The following MEI4 variants were observed in gnomAD, a reference collection of about 807,000 sequenced individuals.
MEI4 encodes the protein meiotic double-stranded break formation protein 4.
A neutral mutation model predicts 31.4 loss-of-function variants in MEI4; 27 were observed. That is an observed-to-expected ratio of 0.86 (90% confidence interval 0.63 to 1.19). The LOEUF is 1.19. Ranked by LOEUF, MEI4 falls within the 50% of genes most tolerant of loss-of-function variation. The pLI, the probability that MEI4 is intolerant of heterozygous loss-of-function variation, is 0.00. For synonymous variants in MEI4, 122 were observed against 145.4 expected, an observed-to-expected ratio of 0.84 and a Z score of 1.16; for missense variants, 329 against 398.9, an observed-to-expected ratio of 0.82 and a Z score of 1.49.
intron 1 of MEI4, among the ~76,000 whole-genome samples, chr6:77,656,458 T>C (rs544397505): frequency 1.3e-5 from 2 of 152,272 alleles, no homozygotes; most frequent in African/African-American, 4.8e-5. Flanking sequence ...CTTTCTTTCT[T>C]GTCTGAACTG....
At chr6:77,665,626 TAATCAGGTGTCCC>T (rs1365924663) in intron 1 of MEI4, among the ~76,000 whole-genome samples, 2 of 152,260 alleles carry the variant, frequency 1.3e-5, no homozygotes, top group East Asian at 3.9e-4. Context: ...CGTGGGTGAA[TAATCAGGTGTCCC>T]TGCAATGATT....
Position 77,923,058 on chromosome 6 carries a change from T to G in MEI4, c.901-31T>G, listed in dbSNP as rs186416242. 318 of 1,223,406 alleles carry G rather than the reference T, an allele frequency of 2.6e-4. 1 individual carries two copies. The highest frequency in any genetic ancestry group is 2.2e-3 in the Middle Eastern group (7 of 3,174). The allele number at this position is 1,223,406 out of a possible 1,614,324, so 75.8% of individuals were successfully genotyped here. On this transcript the variant is annotated intron_variant, in intron 4 of 4. Transcript: ENST00000684080. ...TTTTTCTTAGGTAATTTATACCCAA[T>G]TTTTTAAAGGAGTTTGTTGTTTATT...
At chr6:77,770,582 C>T (rs1051400455) in intron 3 of MEI4, among the ~76,000 whole-genome samples, 12 of 151,836 alleles carry the variant, frequency 7.9e-5, no homozygotes, top group African/African-American at 2.2e-4. Context: ...CTGGAGGCAT[C>T]ACGTTACCTG....
intron 3 of MEI4, among the ~76,000 whole-genome samples, chr6:77,773,039 G>T (rs117828829): frequency 2.0e-5 from 3 of 152,038 alleles, no homozygotes; most frequent in Non-Finnish European, 4.4e-5. Flanking sequence ...AGAAATAGGA[G>T]AGGAAACACA....
chr6:77,834,239 T>A (rs1290930623), intron 4 of MEI4, among the ~76,000 whole-genome samples: 2 of 151,984 alleles, frequency 1.3e-5, no homozygotes, highest in East Asian at 1.9e-4. Flanking sequence ...AAAGAAAATG[T>A]TTTTATGAAG....
intron 3 of MEI4, among the ~76,000 whole-genome samples, chr6:77,784,344 T>C (rs1768675328): frequency 6.6e-6 from 1 of 152,150 alleles, no homozygotes; most frequent in African/African-American, 2.4e-5. Context: ...TGCTATGTAT[T>C]TTCTAATTTA....
chr6:77,708,715 G>T (rs1200780090), intron 2 of MEI4, among the ~76,000 whole-genome samples: 1 of 152,070 alleles, frequency 6.6e-6, no homozygotes, highest in Non-Finnish European at 1.5e-5. Context: ...AGAATGAGTG[G>T]TTGCTCTGAG....
At chr6:77,761,869 T>C (rs1363431841) in intron 3 of MEI4, among the ~76,000 whole-genome samples, 1 of 152,210 alleles carries the variant, frequency 6.6e-6, no homozygotes, top group Non-Finnish European at 1.5e-5. Flanking sequence ...TCTGCATAGA[T>C]GCCTTTGCTT....
At chr6:77,867,820 A>G (rs1484208003) in intron 4 of MEI4, among the ~76,000 whole-genome samples, 1 of 152,218 alleles carries the variant, frequency 6.6e-6, no homozygotes, top group South Asian at 2.1e-4. Context: ...ACCAACCCAA[A>G]TGTACAACAA....
chr6:77,824,305 T>C lies in MEI4; in HGVS notation c.769-4626T>C, dbSNP rs192536241. 2.6e-5 allele frequency among the ~76,000 whole-genome samples: 4 copies of C among 152,294 alleles called. No individual in the cohort carries two copies. The East Asian group carries it at 7.7e-4, about 29-fold the overall frequency. On this transcript the variant is annotated intron_variant, in intron 3 of 4. Transcript: ENST00000684080. ...TATTTTGTGTTTTAGTTCAACATGT[T>C]GGCCAGGCTGGTCTCGAACTCCTGA...
At chr6:77,843,647 A>G (rs1770414617) in intron 4 of MEI4, among the ~76,000 whole-genome samples, 1 of 152,032 alleles carries the variant, frequency 6.6e-6, no homozygotes, top group South Asian at 2.1e-4. Flanking sequence ...CAGGATGATA[A>G]TCACTAAAAG....
chr6:77,663,362 C>T (rs918847587), intron 1 of MEI4, among the ~76,000 whole-genome samples: 4 of 151,604 alleles, frequency 2.6e-5, no homozygotes, highest in East Asian at 1.9e-4. Flanking sequence ...CATGATCGGT[C>T]GCCAAGGAGG....
chr6:77,708,106 T>G (rs1310647357), intron 2 of MEI4, among the ~76,000 whole-genome samples: 3 of 152,158 alleles, frequency 2.0e-5, no homozygotes, highest in Non-Finnish European at 2.9e-5. Context: ...TCCTCCAGAT[T>G]TGAGAATGTT....
At chr6:77,705,197 C>T (rs150250492) in intron 2 of MEI4, among the ~76,000 whole-genome samples, 7 of 148,802 alleles carry the variant, frequency 4.7e-5, no homozygotes, top group East Asian at 2.0e-4. Flanking sequence ...TTACTGCCTT[C>T]GTTTGTTCTT....
At chr6:77,705,593 GC>G (rs1766313573) in intron 2 of MEI4, among the ~76,000 whole-genome samples, 1 of 152,170 alleles carries the variant, frequency 6.6e-6, no homozygotes, top group African/African-American at 2.4e-5. Flanking sequence ...TACAAAACCA[GC>G]AGAGAAGTAT....
At chr6:77,783,821 A>G (rs1264279196) in intron 3 of MEI4, among the ~76,000 whole-genome samples, 1 of 152,162 alleles carries the variant, frequency 6.6e-6, no homozygotes, top group Admixed American at 6.6e-5. Flanking sequence ...ACAGTAATTC[A>G]TGCTACATTT....
intron 3 of MEI4, among the ~76,000 whole-genome samples, chr6:77,786,606 G>C (rs973745375): frequency 9.2e-5 from 14 of 151,966 alleles, no homozygotes; most frequent in African/African-American, 3.4e-4. Flanking sequence ...GCTTAGAAGG[G>C]GAGAAGTAAA....
chr6:77,747,444 G>T (rs1250184259), intron 2 of MEI4, among the ~76,000 whole-genome samples: 1 of 152,150 alleles, frequency 6.6e-6, no homozygotes, highest in Admixed American at 6.5e-5. Context: ...GGTAGAAGGG[G>T]ACACAGTCAT....
chr6:77,923,312 T>C lies in MEI4; in HGVS notation c.1124T>C (p.Leu375Ser), dbSNP rs1269279210. 2.4e-6 allele frequency: 3 copies of C among 1,230,008 alleles called. No homozygotes were observed. The highest frequency in any genetic ancestry group is 3.0e-6 in the Non-Finnish European group (3 of 986,562). The allele number at this position is 1,230,008 out of a possible 1,614,324, so 76.2% of individuals were successfully genotyped here. A position where few individuals can be genotyped will look rare whatever the true frequency, so the allele number is the denominator to read the frequency against. ...TATTTATGGAGAGTGGGCATTCTTT[T>C]GAGCTCAGCACAGATAGAAACTCTT... The part of the protein sequence containing the change: ...TFYLWRVGIL[L>S]SSAQIETLRK The change falls in exon 5 of 5, where the codon TTG (leucine) becomes TCG (serine). Residue 375 changes from leucine (L) to serine (S), a missense_variant. Coordinates refer to ENST00000684080, the MANE Select transcript of MEI4 (RefSeq NM_001322247.2).
Sources: gnomAD v4.1 joint callset for allele counts (sites outside exome capture counted in the v4.1 genomes callset) on GRCh38, gnomAD v4.1.1 for gene constraint, MANE v1.5 for transcripts, NCBI Gene and HGNC (gene_info 2026-07-23, HGNC 2026-07-21) for gene names.